The following IQSEC1 variants were observed in gnomAD, a reference collection of about 807,000 sequenced individuals.
IQSEC1 encodes the protein IQ motif and Sec7 domain ArfGEF 1.
In IQSEC1, 31 loss-of-function variants were observed where a neutral mutation model predicts 91.0. That is an observed-to-expected ratio of 0.34 (90% CI 0.26 to 0.46). The LOEUF (loss-of-function observed/expected upper bound fraction) is 0.46, where lower values mean the gene tolerates loss of function less well. IQSEC1 is among the 20% of genes least tolerant of loss of function. The pLI is 1.00. For synonymous variants in IQSEC1, 699 were observed against 662.6 expected (o/e 1.05, Z -0.84); for missense variants, 1,388 against 1,575.6 (o/e 0.88, Z 2.02).
intron 1 of IQSEC1, among the ~76,000 whole-genome samples, chr3:13,070,163 G>T (rs1385124065): frequency 3.3e-5 from 5 of 152,234 alleles, no homozygotes; most frequent in Non-Finnish European, 4.4e-5. Context: ...CCATGCACAG[G>T]GCCGCTGGAG....
intron 2 of IQSEC1, among the ~76,000 whole-genome samples, chr3:13,117,660 G>A (rs1433769558): frequency 6.6e-6 from 1 of 151,022 alleles, no homozygotes; most frequent in Non-Finnish European, 1.5e-5. Flanking sequence ...GCCAAGGCAG[G>A]TGGATCACAA....
Position 12,924,173 on chromosome 3 carries a change from C to T in IQSEC1, c.1730+408G>A, listed in dbSNP as rs1271208665. ...TCCATGCAGGAGGACAACAGCCAGGCCAGGGGAAGAGGCCCTGACGTCCAG... is the reference window on the plus strand; with the variant it reads ...TCCATGCAGGAGGACAACAGCCAGGTCAGGGGAAGAGGCCCTGACGTCCAG... On this transcript the variant is annotated intron_variant, in intron 4 of 13. Coordinates refer to ENST00000613206, the MANE Select transcript of IQSEC1 (RefSeq NM_001134382.3). This position sits in a 1 kb window ranked among gnomAD's most constrained non-coding sequence, Gnocchi z 6.3. 6.6e-6 allele frequency among the ~76,000 whole-genome samples: 1 copy of T among 152,186 alleles called. No homozygotes were observed. Among genetic ancestry groups the T allele is most frequent in the African/African-American group, 2.4e-5 (1 of 41,432 alleles).
intron 1 of IQSEC1, among the ~76,000 whole-genome samples, chr3:13,170,723 C>G (rs1296243369): frequency 6.6e-6 from 1 of 152,212 alleles, no homozygotes; most frequent in African/African-American, 2.4e-5. Context: ...AAATAAGAGA[C>G]ACGGCAGCCA....
At position 13,020,007 on chromosome 3, in the gene IQSEC1, G is replaced by A. The variant is rs190635038; in HGVS notation, c.23+52985C>T. On this transcript the variant is annotated intron_variant, in intron 1 of 13. Transcript: ENST00000613206. ...GTGGGCAAACGGCAGCCAAGAGGGA[G>A]CGAGCGAATCACCCTTGGACAGGGC... 1.3e-3 allele frequency among the ~76,000 whole-genome samples: 201 copies of A among 152,346 alleles called. 4 individuals are homozygous for A. The highest frequency in any genetic ancestry group is 3.7e-4 in the Non-Finnish European group (25 of 68,024).
chr3:12,911,896 G>A (rs1251943168), intron 9 of IQSEC1, among the ~76,000 whole-genome samples, 168 bp from the exon 10 acceptor site: 1 of 152,196 alleles, frequency 6.6e-6, no homozygotes, highest in African/African-American at 2.4e-5. Flanking sequence ...AACGGTTCCT[G>A]TCCCCGCAAC....
At chr3:13,155,977 G>C (rs1359837565) in intron 2 of IQSEC1, among the ~76,000 whole-genome samples, 1 of 151,948 alleles carries the variant, frequency 6.6e-6, no homozygotes, top group Non-Finnish European at 1.5e-5. Context: ...CCAGCACTTT[G>C]GGAGGCCAAT....
rs1258737916 is a variant in IQSEC1 at position 12,911,748 on chromosome 3, G to A, written c.2317-20C>T. 1.3e-6 allele frequency: 2 copies of A among 1,547,000 alleles called. No individual in the cohort carries two copies. The highest frequency in any genetic ancestry group is 1.8e-6 in the Non-Finnish European group (2 of 1,122,472). On this transcript the variant is annotated intron_variant, in intron 9 of 13. Coordinates refer to ENST00000613206, the MANE Select transcript of IQSEC1 (RefSeq NM_001134382.3). ...GGTGACCTAGAGGCAGCCAGAGACA[G>A]AGCTGAGCTACAGTGTCTCGGGGGG...
chr3:13,009,518 G>A (rs1702782504), intron 1 of IQSEC1, among the ~76,000 whole-genome samples: 1 of 151,772 alleles, frequency 6.6e-6, no homozygotes, highest in South Asian at 2.1e-4. Flanking sequence ...CACTTCCTGG[G>A]GTAACTCCCC....
chr3:13,182,147 C>T (rs1156383444), intron 1 of IQSEC1, among the ~76,000 whole-genome samples: 1 of 152,246 alleles, frequency 6.6e-6, no homozygotes, highest in East Asian at 1.9e-4. Flanking sequence ...TTGGAATCCC[C>T]TCTAGTTCTC....
Position 13,115,269 on chromosome 3 carries a change from G to A in IQSEC1, c.302+48835C>T, listed in dbSNP as rs191216580. Among the ~76,000 whole-genome samples the A allele has an allele frequency of 5.3e-5, 8 of 151,526 alleles. No homozygotes were observed. In the East Asian group the frequency reaches 1.2e-3, roughly 22 times the overall value. ...CTCATTTCCCCCGCTTCCCTCCCCC[G>A]TTCCTCTAGCCAAGTCCTCTCCCCT... On this transcript the variant is annotated intron_variant, in intron 2 of 15. Coordinates refer to the IQSEC1 transcript ENST00000648114.
intron 1 of IQSEC1, among the ~76,000 whole-genome samples, chr3:13,225,081 T>G (rs892539957): frequency 5.9e-5 from 9 of 152,252 alleles, no homozygotes; most frequent in African/African-American, 2.2e-4. Flanking sequence ...GCTAGAAAGT[T>G]AACCCGAGAT....
At position 12,901,177 on chromosome 3, in the gene IQSEC1, G is replaced by A. The variant is rs1384927328; in HGVS notation, c.3151C>T (p.His1051Tyr). ...TGGTACTGGTGTGCGTGCTGGATGT[G>A]CTGGGGTGGGTGGTGGTGGTGGTGA... ...HHHHHHHPPQHIQHAHQYHHG... is the reference protein window; with the variant it reads ...HHHHHHHPPQYIQHAHQYHHG... Residue 1051 changes from histidine (H) to tyrosine (Y), a missense_variant, in exon 14 of 14, where the codon CAC (histidine) becomes TAC (tyrosine). By Grantham distance (83) the His-to-Tyr change is moderately conservative (BLOSUM62 2). Around this residue, in one of 2 missense-constraint regions of IQSEC1, gnomAD observed 329 missense variants for 257.8 expected, o/e 1.28. Transcript: ENST00000613206. 3.9e-6 allele frequency: 6 copies of A among 1,543,248 alleles called. No homozygotes were observed. Among genetic ancestry groups the A allele is most frequent in the East Asian group, 4.9e-5 (2 of 40,882 alleles).
chr3:13,229,574 G>A (rs1694810106), intron 1 of IQSEC1, among the ~76,000 whole-genome samples: 1 of 152,206 alleles, frequency 6.6e-6, no homozygotes, highest in Non-Finnish European at 1.5e-5. Context: ...TGTGGTGGGA[G>A]GAGGGGGGAC....
chr3:12,964,013 A>T (rs1253035208), intron 1 of IQSEC1, among the ~76,000 whole-genome samples: 1 of 152,250 alleles, frequency 6.6e-6, no homozygotes, highest in Admixed American at 6.5e-5. Context: ...CTAGGCAGGC[A>T]TCGGGGTACT....
At chr3:13,241,405 C>G (rs192371863) in intron 1 of IQSEC1, among the ~76,000 whole-genome samples, 1 of 152,210 alleles carries the variant, frequency 6.6e-6, no homozygotes, top group South Asian at 2.1e-4. Flanking sequence ...AGCAATTTTC[C>G]TTCTCCATTT....
chr3:12,993,699 T>C (rs554489526), intron 1 of IQSEC1, among the ~76,000 whole-genome samples: 1 of 152,278 alleles, frequency 6.6e-6, no homozygotes, highest in South Asian at 2.1e-4. Flanking sequence ...TTGGGGCTTC[T>C]GCGTCCTCAC....
chr3:13,164,366 C>T (rs1049582399), intron 1 of IQSEC1, among the ~76,000 whole-genome samples: 1 of 152,142 alleles, frequency 6.6e-6, no homozygotes, highest in East Asian at 1.9e-4. Flanking sequence ...CCTTTCCCAC[C>T]CTCTTCCTGT....
At chr3:12,945,531 A>C (rs1208911361) in intron 1 of IQSEC1, among the ~76,000 whole-genome samples, 1 of 89,670 alleles carries the variant, frequency 1.1e-5, no homozygotes. Context: ...TCCACACTCC[A>C]AAAAAAAAAA....
chr3:13,076,373 C>A (rs1275369013), upstream of IQSEC1, among the ~76,000 whole-genome samples: 2 of 152,162 alleles, frequency 1.3e-5, no homozygotes, highest in African/African-American at 4.8e-5. Flanking sequence ...AGGGGTAAGT[C>A]CAGAAACATC....
Sources: allele counts gnomAD v4.1 joint callset (sites outside exome capture counted in the v4.1 genomes callset), GRCh38; gene constraint gnomAD v4.1.1; regional missense constraint gnomAD v4.1.1; non-coding constraint Gnocchi (gnomAD v3.1); transcripts MANE v1.5; gene names NCBI Gene and HGNC (gene_info 2026-07-23, HGNC 2026-07-21).